The following FAM168B variants were observed in gnomAD, a reference collection of about 807,000 sequenced individuals.
The protein encoded by FAM168B is myelin-associated neurite-outgrowth inhibitor.
Under a neutral mutation model 21.8 loss-of-function variants are expected in FAM168B, and 19 were observed. The ratio of observed to expected loss-of-function variants is 0.87; its 90% CI spans 0.61 to 1.28. FAM168B has a LOEUF of 1.28. Ranked by LOEUF, FAM168B falls within the 50% of genes most tolerant of loss-of-function variation. The pLI is 0.00. For synonymous variants in FAM168B, 126 were observed against 104.8 expected (o/e 1.20, Z -1.24); for missense variants, 233 against 263.1 (o/e 0.89, Z 0.79).
At chr2:131,089,304 C>T (rs1559005095) in intron 1 of FAM168B, among the ~76,000 whole-genome samples, 2 of 151,654 alleles carry the variant, frequency 1.3e-5, no homozygotes, top group South Asian at 4.2e-4. Context: ...TGAAATGACT[C>T]AACTGTCAGA....
chr2:131,088,217 G>C (rs1007401596), intron 1 of FAM168B, among the ~76,000 whole-genome samples: 4 of 151,604 alleles, frequency 2.6e-5, no homozygotes, highest in African/African-American at 9.8e-5. Context: ...CTGCACTCCA[G>C]ATGGGGCAAC....
chr2:131,081,885 TGA>T (rs1414571346), intron 2 of FAM168B, among the ~76,000 whole-genome samples: 6 of 152,354 alleles, frequency 3.9e-5, no homozygotes, highest in African/African-American at 1.4e-4. Flanking sequence ...TTTCACTTTC[TGA>T]GAGTCTTAGC....
chr2:131,071,885 A>T lies in FAM168B; in HGVS notation c.124T>A (p.Tyr42Asn). ...AAAPAYSPNM[Y>N]PGANPTFQTG... The stretch of plus-strand genomic sequence containing the variant: ...TGGAAGGTAGGATTCGCTCCAGGAT[A>T]CATGTTAGGAGAATAGGCAGGAGCT... Residue 42 changes from tyrosine to asparagine, a missense_variant, in exon 3 of 7, where the codon TAT (tyrosine) becomes AAT (asparagine). Coordinates refer to ENST00000389915, the MANE Select transcript of FAM168B (RefSeq NM_001009993.4). The T allele has an allele frequency of 6.2e-7, 1 of 1,614,098 alleles. No homozygotes were observed. The highest frequency in any genetic ancestry group is 8.5e-7 in the Non-Finnish European group (1 of 1,179,984).
rs532892148 is a variant in FAM168B, at chr2:131,089,970, T to C, written c.-12+3244A>G. On this transcript the variant is annotated intron_variant, in intron 1 of 6. Transcript: ENST00000389915. The stretch of plus-strand genomic sequence containing the variant: ...TCACTTGAACCCAGGAGGCAGAGGT[T>C]TCAGTGAGCCGAGATCATACCACTG... Among the ~76,000 whole-genome samples, 6 of 151,152 alleles carry C rather than the reference T, an allele frequency of 4.0e-5. No individual in the cohort carries two copies. The South Asian group carries it at 1.3e-3, about 32-fold the overall frequency.
Position 131,052,231 on chromosome 2 carries a change from A to G in FAM168B, c.*234T>C. On this transcript the variant is annotated 3_prime_UTR_variant, in exon 7 of 7. Coordinates refer to ENST00000389915, the MANE Select transcript of FAM168B (RefSeq NM_001009993.4). ...ATACTCCCTTTTTATCATTACAGTT[A>G]GCTAAAAAATTGCCAGGCAGTCCAC... 1 of 985,870 alleles carries G rather than the reference A, an allele frequency of 1.0e-6. No individual in the cohort carries two copies. Among genetic ancestry groups the G allele is most frequent in the Non-Finnish European group, 1.2e-6 (1 of 829,926 alleles). The allele number at this position is 985,870 out of a possible 1,614,324, so 61.1% of individuals were successfully genotyped here.
At chr2:131,084,512 T>A (rs890926596) in intron 1 of FAM168B, among the ~76,000 whole-genome samples, 6 of 151,900 alleles carry the variant, frequency 3.9e-5, no homozygotes, top group African/African-American at 1.4e-4. Context: ...TTTCCTGTAT[T>A]TCTTCAAAAA....
At chr2:131,081,775 C>T (rs1022998338) in intron 2 of FAM168B, among the ~76,000 whole-genome samples, 1 of 152,142 alleles carries the variant, frequency 6.6e-6, no homozygotes, top group Non-Finnish European at 1.5e-5. Flanking sequence ...GACATTAGTT[C>T]AAAGGCCAAG....
At chr2:131,084,946 T>A (rs1246212284) in intron 1 of FAM168B, among the ~76,000 whole-genome samples, 1 of 152,006 alleles carries the variant, frequency 6.6e-6, no homozygotes. Context: ...AACTCCTGAG[T>A]TCAAGTGATC....
At chr2:131,060,271 G>A (rs1692227975) in intron 3 of FAM168B, among the ~76,000 whole-genome samples, 1 of 152,140 alleles carries the variant, frequency 6.6e-6, no homozygotes, top group African/African-American at 2.4e-5. Context: ...TGATCCGCCT[G>A]CCTTGGCCTC....
rs1312864580 is a variant in FAM168B, at chr2:131,055,460, AAG to A, written c.298-13_298-12del. ...GTAGTACGTGCCTTGCTGTGGGGAG[AAG>A]AGAGACAACTGACACAGGGTCCCAG... On this transcript the variant is annotated splice_polypyrimidine_tract_variant and intron_variant, in intron 4 of 6. Coordinates refer to ENST00000389915, the MANE Select transcript of FAM168B (RefSeq NM_001009993.4). 6.2e-7 allele frequency: 1 copy of A among 1,605,310 alleles called. No homozygotes were observed. The highest frequency in any genetic ancestry group is 8.5e-7 in the Non-Finnish European group (1 of 1,177,572).
chr2:131,087,006 CAGTGAGCCG>C, intron 1 of FAM168B, among the ~76,000 whole-genome samples: 1 of 115,122 alleles, frequency 8.7e-6, no homozygotes, highest in Admixed American at 1.1e-4. Flanking sequence ...GCGGAGCCTG[CAGTGAGCCG>C]AGATTGCGCC....
Position 131,072,067 on chromosome 2 carries a change from A to G in FAM168B, c.71-129T>C, listed in dbSNP as rs1397958388. ...AGACTTAAGCAGCCCCAAGAGCACT[A>G]TGTGTGGCCAACAGCATGTCTCTAG... On this transcript the variant is annotated intron_variant, in intron 2 of 6. Transcript: ENST00000389915. 2.2e-5 allele frequency: 16 copies of G among 718,406 alleles called. No individual in the cohort carries two copies. In the East Asian group the frequency reaches 4.3e-4, roughly 19 times the overall value. The allele number at this position is 718,406 out of a possible 1,614,324, so 44.5% of individuals were successfully genotyped here.
intron 2 of FAM168B, among the ~76,000 whole-genome samples, chr2:131,077,719 C>T (rs968800961): frequency 2.6e-5 from 4 of 152,164 alleles, no homozygotes; most frequent in Non-Finnish European, 4.4e-5. Flanking sequence ...TTTTGGTGAT[C>T]TTGAAGGGCT....
Position 131,093,026 on chromosome 2 carries a change from G to C in FAM168B, c.-12+188C>G, listed in dbSNP as rs546311955. On this transcript the variant is annotated intron_variant, in intron 1 of 6. Coordinates refer to ENST00000389915, the MANE Select transcript of FAM168B (RefSeq NM_001009993.4). The stretch of plus-strand genomic sequence containing the variant: ...GCCCGGACCGCACCTGCACGCGTAC[G>C]TGTCCGGCCGAGCTCCGCCCCCGGC... 7.9e-5 allele frequency among the ~76,000 whole-genome samples: 12 copies of C among 151,634 alleles called. No individual in the cohort carries two copies. In the South Asian group the frequency reaches 2.5e-3, roughly 31 times the overall value.
At chr2:131,067,214 T>C (rs897108168) in intron 3 of FAM168B, among the ~76,000 whole-genome samples, 2 of 152,176 alleles carry the variant, frequency 1.3e-5, no homozygotes, top group African/African-American at 2.4e-5. Flanking sequence ...CACAGCCTTG[T>C]TCAGGAGGAC....
intron 2 of FAM168B, 55 bp from the exon 3 acceptor site, chr2:131,071,993 T>G (rs1358066183): frequency 3.3e-6 from 5 of 1,502,296 alleles, no homozygotes; most frequent in South Asian, 2.3e-5. Context: ...CGACAATCAC[T>G]AGAGCTCCTG....
chr2:131,058,328 A>G (rs1318136935), intron 3 of FAM168B, among the ~76,000 whole-genome samples: 3 of 152,088 alleles, frequency 2.0e-5, no homozygotes, highest in African/African-American at 7.2e-5. Flanking sequence ...CGAAGCCTTC[A>G]ACATCAGCCT....
At chr2:131,056,752 A>C (rs1692043205) in intron 3 of FAM168B, among the ~76,000 whole-genome samples, 1 of 152,234 alleles carries the variant, frequency 6.6e-6, no homozygotes, top group Admixed American at 6.5e-5. Context: ...CCAAAGGGAC[A>C]AACTGCTGAT....
chr2:131,092,004 C>T (rs7563769), intron 1 of FAM168B, among the ~76,000 whole-genome samples: 1 of 150,892 alleles, frequency 6.6e-6, no homozygotes, highest in African/African-American at 2.4e-5. Flanking sequence ...ATTAGCCAGG[C>T]GTGGTGGCGG....
Sources: allele counts gnomAD v4.1 joint callset (sites outside exome capture counted in the v4.1 genomes callset), GRCh38; gene constraint gnomAD v4.1.1; transcripts MANE v1.5; gene names NCBI Gene and HGNC (gene_info 2026-07-23, HGNC 2026-07-21).